The following SLC22A24 variants were observed in gnomAD, a reference collection of about 807,000 sequenced individuals.
SLC22A24 encodes the protein solute carrier family 22 member 24, also known as steroid transmembrane transporter SLC22A24.
SLC22A24 carries 53 observed loss-of-function variants against 49.8 expected under a neutral mutation model. The observed-to-expected ratio is 1.06, with a 90% CI of 0.85 to 1.34. The LOEUF (loss-of-function observed/expected upper bound fraction) is 1.34, where lower values mean the gene tolerates loss of function less well. SLC22A24 is among the 40% of genes most tolerant of loss of function. The probability of loss-of-function intolerance (pLI) is 0.00; values close to 1 mark genes in which losing one functional copy is unlikely to be tolerated. For missense variants in SLC22A24, 786 were observed against 675.9 expected, an observed-to-expected ratio of 1.16 and a Z score of -1.81; for synonymous variants, 302 against 256.4, an observed-to-expected ratio of 1.18 and a Z score of -1.70.
intron 2 of SLC22A24, among the ~76,000 whole-genome samples, chr11:63,129,661 G>T (rs1264658910): frequency 6.6e-6 from 1 of 152,090 alleles, no homozygotes; most frequent in Non-Finnish European, 1.5e-5. Context: ...GTTGAGCAGT[G>T]GTTTGTAGTT....
rs190125516 is a variant in SLC22A24, at chr11:63,125,768, C to T, written c.507-6433G>A. ...CAATGGCTGAACTAATTTACACTCC[C>T]ACCAACAGTGTAAAAGTGTTCTTAT... On this transcript the variant is annotated intron_variant, in intron 2 of 9. Transcript: ENST00000612278. Among the ~76,000 whole-genome samples the T allele has an allele frequency of 9.1e-4, 128 of 141,336 alleles. 1 individual carries two copies. Among genetic ancestry groups the T allele is most frequent in the African/African-American group, 4.0e-3 (125 of 31,318 alleles). 92.7% of individuals were successfully genotyped at this position (141,336 alleles called of 152,430 possible).
At chr11:63,110,446 C>A (rs1590738483) in intron 4 of SLC22A24, among the ~76,000 whole-genome samples, 1 of 149,552 alleles carries the variant, frequency 6.7e-6, no homozygotes, top group Non-Finnish European at 1.5e-5. Flanking sequence ...GGCAGTATGG[C>A]CATTTTCACG....
chr11:63,099,900 A>C (rs1464806527), intron 5 of SLC22A24, among the ~76,000 whole-genome samples: 1 of 152,192 alleles, frequency 6.6e-6, no homozygotes, highest in Non-Finnish European at 1.5e-5. Context: ...AACTCAAAAA[A>C]ATCTCAGTAT....
chr11:63,111,025 C>G (rs1234896059), intron 4 of SLC22A24, among the ~76,000 whole-genome samples: 2 of 152,126 alleles, frequency 1.3e-5, no homozygotes, highest in Non-Finnish European at 1.5e-5. Flanking sequence ...TACATCCCAT[C>G]AATACCTAAT....
chr11:63,100,019 A>T (rs1163643729), intron 5 of SLC22A24, among the ~76,000 whole-genome samples: 1 of 152,208 alleles, frequency 6.6e-6, no homozygotes, highest in African/African-American at 2.4e-5. Flanking sequence ...TCAGAAAAAG[A>T]CAAGGATGCT....
In SLC22A24 at chr11:63,143,656, C is replaced by A; in HGVS notation, c.124G>T (p.Ala42Ser). 6.3e-7 allele frequency: 1 copy of A among 1,598,308 alleles called. No individual in the cohort carries two copies. Among genetic ancestry groups the A allele is most frequent in the Non-Finnish European group, 8.5e-7 (1 of 1,172,752 alleles). ...FPNIVLENFT[A>S]FTPSHRCWVP... is the part of the protein sequence containing the mutation. ...CAGCAGCGATGACTAGGGGTGAATG[C>A]AGTGAAGTTCTCCAACACAATATTA... Residue 42 changes from alanine to serine, a missense_variant, in exon 1 of 10, where the codon GCA (alanine) becomes TCA (serine). Coordinates refer to ENST00000612278, the MANE Select transcript of SLC22A24 (RefSeq NM_001136506.2).
At chr11:63,138,229 T>C (rs545783945) in intron 1 of SLC22A24, among the ~76,000 whole-genome samples, 1 of 152,302 alleles carries the variant, frequency 6.6e-6, no homozygotes, top group South Asian at 2.1e-4. Flanking sequence ...GAGCTCAACC[T>C]TGTGACCATG....
intron 5 of SLC22A24, among the ~76,000 whole-genome samples, chr11:63,097,915 G>T (rs938487150): frequency 3.3e-5 from 5 of 152,036 alleles, no homozygotes; most frequent in Admixed American, 3.3e-4. Context: ...ACCAGGGCCT[G>T]TTGGGGGATG....
intron 6 of SLC22A24, among the ~76,000 whole-genome samples, chr11:63,094,831 T>C (rs543780372): frequency 6.6e-6 from 1 of 152,246 alleles, no homozygotes; most frequent in African/African-American, 2.4e-5. Context: ...TGGGGTTGTT[T>C]GTTTTTTTCT....
intron 4 of SLC22A24, among the ~76,000 whole-genome samples, chr11:63,114,050 C>T (rs1349197732): frequency 6.6e-6 from 1 of 152,046 alleles, no homozygotes; most frequent in African/African-American, 2.4e-5. Flanking sequence ...CTTGGGGTTG[C>T]TCTTCTTGAG....
chr11:63,093,827 G>A (rs969157539), intron 6 of SLC22A24, among the ~76,000 whole-genome samples: 3 of 151,918 alleles, frequency 2.0e-5, no homozygotes, highest in African/African-American at 7.3e-5. Context: ...ACCTGCACAT[G>A]TGCCCTTGAA....
intron 1 of SLC22A24, among the ~76,000 whole-genome samples, chr11:63,141,553 G>A (rs538786761): frequency 6.6e-6 from 1 of 152,306 alleles, no homozygotes; most frequent in East Asian, 1.9e-4. Flanking sequence ...ACCTTGTCCA[G>A]ACAGAGTCCC....
rs374832204 is a variant in SLC22A24, at chr11:63,131,498, G to T, written c.506+3167C>A. Among the ~76,000 whole-genome samples the T allele has an allele frequency of 2.0e-4, 30 of 152,130 alleles. 1 individual carries two copies. In the East Asian group the frequency reaches 2.3e-3, roughly 12 times the overall value. On this transcript the variant is annotated intron_variant, in intron 2 of 9. Coordinates refer to ENST00000612278, the MANE Select transcript of SLC22A24 (RefSeq NM_001136506.2). The stretch of plus-strand genomic sequence containing the variant: ...GTGGTGACAAAATCTCTCAGCATTT[G>T]CTTGTCTTTAAAGGATTTTTATTTC...
At chr11:63,096,429 C>T (rs1481416063) in intron 5 of SLC22A24, among the ~76,000 whole-genome samples, 1 of 152,150 alleles carries the variant, frequency 6.6e-6, no homozygotes, top group Admixed American at 6.6e-5. Flanking sequence ...TTAAAGGTTT[C>T]TTTCTTATCC....
chr11:63,132,183 AC>A (rs1354085103), intron 2 of SLC22A24, among the ~76,000 whole-genome samples: 3 of 152,024 alleles, frequency 2.0e-5, no homozygotes, highest in Admixed American at 1.3e-4. Context: ...CATTCGTCTA[AC>A]CTTTTTTCAA....
chr11:63,102,190 A>G (rs1021532532), intron 5 of SLC22A24, among the ~76,000 whole-genome samples: 1 of 152,160 alleles, frequency 6.6e-6, no homozygotes, highest in Non-Finnish European at 1.5e-5. Flanking sequence ...TTTGTATCAA[A>G]ATATTTCACA....
At chr11:63,115,683 A>G (rs2087207559) in intron 4 of SLC22A24, among the ~76,000 whole-genome samples, 1 of 152,144 alleles carries the variant, frequency 6.6e-6, no homozygotes, top group Non-Finnish European at 1.5e-5. Flanking sequence ...AGCTGTTCCT[A>G]TTCGACCATC....
intron 1 of SLC22A24, among the ~76,000 whole-genome samples, chr11:63,141,425 A>G (rs1462071258): frequency 4.6e-5 from 7 of 152,174 alleles, no homozygotes; most frequent in Admixed American, 4.6e-4. Flanking sequence ...GGAGTAAAGG[A>G]TACAATTGGA....
chr11:63,088,371 ACAACAT>A (rs56306229), intron 6 of SLC22A24, among the ~76,000 whole-genome samples: 1 of 151,016 alleles, frequency 6.6e-6, no homozygotes, highest in African/African-American at 2.4e-5. Context: ...ACAGAAAGCT[ACAACAT>A]CAACATCAAC....
Sources: gnomAD v4.1 joint callset for allele counts (sites outside exome capture counted in the v4.1 genomes callset) on GRCh38, gnomAD v4.1.1 for gene constraint, MANE v1.5 for transcripts, NCBI Gene and HGNC (gene_info 2026-07-23, HGNC 2026-07-21) for gene names.